Variants in CABIN1 observed in about 807,000 individuals in gnomAD.
CABIN1 encodes the protein calcineurin-binding protein cabin-1.
A neutral mutation model predicts 227.7 loss-of-function variants in CABIN1; 133 were observed. The observed-to-expected ratio is 0.58, with a 90% CI of 0.51 to 0.67. The LOEUF is 0.67. CABIN1 is among the 30% of genes least tolerant of loss of function. CABIN1 has a pLI of 0.00. For missense variants in CABIN1, 2,408 were observed against 2,852.5 expected, an observed-to-expected ratio of 0.84 and a Z score of 3.55; for synonymous variants, 1,086 against 1,155.1, an observed-to-expected ratio of 0.94 and a Z score of 1.21.
rs1206746679 is a variant in CABIN1 at position 24,084,999 on chromosome 22, C to T, written c.3118-7C>T. 4 of 1,614,128 alleles carry T rather than the reference C, an allele frequency of 2.5e-6. No homozygotes were observed. The highest frequency in any genetic ancestry group is 3.4e-6 in the Non-Finnish European group (4 of 1,180,058). ...CCTCCCCTCATACTTTTCCTCTCAC[C>T]TGCCAGGTACCCTGCCTCCCAGAGG... On this transcript the variant is annotated splice_polypyrimidine_tract_variant and splice_region_variant and intron_variant, in intron 21 of 36. Transcript: ENST00000263119.
rs767099336 is a variant in CABIN1 at position 24,098,117 on chromosome 22, C to A, written c.4042C>A (p.Pro1348Thr). The A allele has an allele frequency of 1.2e-6, 2 of 1,614,156 alleles. No individual in the cohort carries two copies. The highest frequency in any genetic ancestry group is 1.7e-6 in the Non-Finnish European group (2 of 1,180,034). ...PSSSGPGLTS[P>T]PYTATPIDHD... ...CTCCTCTGGCCCAGGTCTGACATCC[C>A]CACCTTACACAGCCACTCCGATTGA... The change falls in exon 26 of 37, where the codon CCA (proline) becomes ACA (threonine). Residue 1348 changes from proline (P) to threonine (T), a missense_variant. By Grantham distance (38) the Pro-to-Thr change is conservative. Around this residue, in one of 3 missense-constraint regions of CABIN1, gnomAD observed 649 missense variants for 910.3 expected, o/e 0.71. Transcript: ENST00000263119.
intron 26 of CABIN1, among the ~76,000 whole-genome samples, chr22:24,109,330 TC>T (rs1162334965): frequency 6.6e-6 from 1 of 151,530 alleles, no homozygotes; most frequent in Non-Finnish European, 1.5e-5. Context: ...GCTCAAGTGA[TC>T]CTCCCACCTC....
intron 19 of CABIN1, among the ~76,000 whole-genome samples, chr22:24,078,554 A>G (rs2040591616): frequency 6.6e-6 from 1 of 152,188 alleles, no homozygotes; most frequent in South Asian, 2.1e-4. Context: ...CTCTGAGAGA[A>G]ATCCTCTTGA....
chr22:24,060,451 C>T (rs571251707), intron 12 of CABIN1, among the ~76,000 whole-genome samples: 98 of 151,956 alleles, frequency 6.4e-4, no homozygotes, highest in Non-Finnish European at 1.2e-3. Context: ...TTTGTGGTTG[C>T]AGAGCTGATA....
intron 21 of CABIN1, 80 bp from the exon 22 acceptor site, chr22:24,084,926 G>A: frequency 6.3e-7 from 1 of 1,593,276 alleles, no homozygotes; most frequent in East Asian, 2.2e-5. Flanking sequence ...TCTGTCCTGT[G>A]ACTAAACAGT....
chr22:24,036,169 A>C lies in CABIN1; in HGVS notation c.84A>C (p.Thr28=). Residue 28 remains threonine, a synonymous_variant, in exon 3 of 37, where the codon ACA becomes ACC. Coordinates refer to ENST00000263119, the MANE Select transcript of CABIN1 (RefSeq NM_012295.4). ...GCTTTAAAAGTCACAAAACCCAGAC[A>C]AAGGAGGCTCAGGTACGTAATGCGA... ...EGSFKSHKTQ[T]KEAQEAEAFA... is the part of the protein sequence containing the mutation. The C allele has an allele frequency of 6.2e-7, 1 of 1,611,920 alleles. No homozygotes were observed. Among genetic ancestry groups the C allele is most frequent in the Non-Finnish European group, 8.5e-7 (1 of 1,178,204 alleles).
intron 29 of CABIN1, among the ~76,000 whole-genome samples, chr22:24,134,670 C>T (rs1377584728): frequency 6.6e-6 from 1 of 152,186 alleles, no homozygotes; most frequent in African/African-American, 2.4e-5. Flanking sequence ...CTCCAAAGCC[C>T]CAGGTATTCT....
chr22:24,128,518 G>A (rs2043874093), intron 28 of CABIN1, among the ~76,000 whole-genome samples: 1 of 152,078 alleles, frequency 6.6e-6, no homozygotes, highest in African/African-American at 2.4e-5. Flanking sequence ...GCAGCCCACT[G>A]AGTCTCCCAT....
At chr22:24,085,676 A>T (rs992974110) in intron 22 of CABIN1, among the ~76,000 whole-genome samples, 1 of 152,252 alleles carries the variant, frequency 6.6e-6, no homozygotes, top group Admixed American at 6.5e-5. Flanking sequence ...CATGAAGCTC[A>T]TGCTCTCTTC....
chr22:24,046,903 C>G (rs960389061), intron 6 of CABIN1, among the ~76,000 whole-genome samples: 6 of 152,216 alleles, frequency 3.9e-5, no homozygotes, highest in South Asian at 2.1e-4. Flanking sequence ...AAAACCCCCC[C>G]CACCGCAATG....
intron 27 of CABIN1, 133 bp from the exon 28 acceptor site, chr22:24,119,234 C>T (rs1569241977): frequency 5.0e-6 from 4 of 801,176 alleles, no homozygotes; most frequent in Non-Finnish European, 8.5e-6. Flanking sequence ...CTGGGTCCAG[C>T]ATCCACTCAG....
intron 1 of CABIN1, among the ~76,000 whole-genome samples, chr22:24,028,567 C>T (rs1164741312): frequency 6.6e-6 from 1 of 152,130 alleles, no homozygotes; most frequent in African/African-American, 2.4e-5. Flanking sequence ...ATCCTCCAGT[C>T]GTTTTTTTCC....
At chr22:24,068,997 G>C (rs1466511074) in intron 16 of CABIN1, among the ~76,000 whole-genome samples, 2 of 152,240 alleles carry the variant, frequency 1.3e-5, no homozygotes, top group African/African-American at 2.4e-5. Flanking sequence ...GAGATAAAAA[G>C]AGTATTTGCT....
chr22:24,087,340 G>T (rs2041234550), intron 22 of CABIN1, 112 bp from the exon 23 acceptor site: 1 of 1,388,354 alleles, frequency 7.2e-7, no homozygotes, highest in Non-Finnish European at 1.0e-6. Flanking sequence ...CTGAGCCCTG[G>T]TGTGGGAAGG....
chr22:24,155,167 G>C (rs1467970791), intron 29 of CABIN1, among the ~76,000 whole-genome samples: 1 of 152,172 alleles, frequency 6.6e-6, no homozygotes, highest in African/African-American at 2.4e-5. Context: ...TCCCAGTGCA[G>C]CCTACCTTCA....
chr22:24,085,159 A>G lies in CABIN1; in HGVS notation c.3263+8A>G. ...CTGCATCTGCCCCAATAGGTCAGTG[A>G]CCAGATCATGAGGCTAGGCTGGCTG... On this transcript the variant is annotated splice_region_variant and intron_variant, in intron 22 of 36. Transcript: ENST00000263119. The G allele has an allele frequency of 6.2e-7, 1 of 1,614,174 alleles. No homozygotes were observed. The highest frequency in any genetic ancestry group is 8.5e-7 in the Non-Finnish European group (1 of 1,180,012).
chr22:24,042,714 T>G (rs2037472421), intron 5 of CABIN1, among the ~76,000 whole-genome samples, 190 bp from the exon 6 acceptor site: 1 of 152,116 alleles, frequency 6.6e-6, no homozygotes, highest in Non-Finnish European at 1.5e-5. Context: ...TTGTCAGTTA[T>G]AAGATAGTCA....
At chr22:24,054,078 C>G (rs904660303) in intron 8 of CABIN1, among the ~76,000 whole-genome samples, 1 of 152,136 alleles carries the variant, frequency 6.6e-6, no homozygotes. Flanking sequence ...TGAAAGAGAG[C>G]TAATGTAGCA....
intron 27 of CABIN1, among the ~76,000 whole-genome samples, chr22:24,118,202 G>A (rs1253850200): frequency 6.6e-6 from 1 of 152,150 alleles, no homozygotes; most frequent in Non-Finnish European, 1.5e-5. Flanking sequence ...AAGGAGTGAT[G>A]GTGGAGAGGC....
Sources: allele counts gnomAD v4.1 joint callset (sites outside exome capture counted in the v4.1 genomes callset), GRCh38; gene constraint gnomAD v4.1.1; regional missense constraint gnomAD v4.1.1; transcripts MANE v1.5; gene names NCBI Gene and HGNC (gene_info 2026-07-23, HGNC 2026-07-21).